Variants in CDKAL1 observed in about 807,000 individuals in gnomAD.
CDKAL1 encodes the protein threonylcarbamoyladenosine tRNA methylthiotransferase.
Under a neutral mutation model 68.2 loss-of-function variants are expected in CDKAL1, and 32 were observed. That is an observed-to-expected ratio of 0.47 (90% CI 0.35 to 0.63). The LOEUF (loss-of-function observed/expected upper bound fraction) is 0.63. Among genes scored for constraint, CDKAL1 ranks in the 30% least tolerant of loss-of-function variants. The pLI, the probability that CDKAL1 is intolerant of heterozygous loss-of-function variation, is 0.00. For synonymous variants in CDKAL1, 234 were observed against 244.3 expected (o/e 0.96, Z 0.39); for missense variants, 606 against 696.7 (o/e 0.87, Z 1.47).
At chr6:20,950,843 G>A (rs573483396) in intron 9 of CDKAL1, among the ~76,000 whole-genome samples, 8 of 152,102 alleles carry the variant, frequency 5.3e-5, no homozygotes, top group South Asian at 2.1e-4. Flanking sequence ...GGTGGTGTGC[G>A]CCTGTAATCC....
chr6:20,619,138 A>G (rs2127730975), intron 4 of CDKAL1, among the ~76,000 whole-genome samples: 1 of 152,328 alleles, frequency 6.6e-6, no homozygotes, highest in African/African-American at 2.4e-5. Flanking sequence ...AGCTACCCTC[A>G]TATCACTTGT....
At chr6:20,643,229 C>T (rs1768273223) in intron 4 of CDKAL1, among the ~76,000 whole-genome samples, 1 of 152,160 alleles carries the variant, frequency 6.6e-6, no homozygotes, top group African/African-American at 2.4e-5. Flanking sequence ...CCCTTCTTTC[C>T]TTCAGTGCCC....
intron 15 of CDKAL1, among the ~76,000 whole-genome samples, chr6:21,216,918 G>A (rs1251520582): frequency 6.6e-6 from 1 of 152,158 alleles, no homozygotes; most frequent in Non-Finnish European, 1.5e-5. Flanking sequence ...GTTGGCCAGA[G>A]TGTACAGCTC....
chr6:20,801,486 A>T (rs1476158430), intron 8 of CDKAL1, among the ~76,000 whole-genome samples: 1 of 141,250 alleles, frequency 7.1e-6, no homozygotes, highest in Non-Finnish European at 1.6e-5. Context: ...CTATTCATCC[A>T]TCAGTCCAAC....
chr6:20,889,382 C>T (rs1174152524), intron 9 of CDKAL1, among the ~76,000 whole-genome samples: 1 of 152,032 alleles, frequency 6.6e-6, no homozygotes, highest in Non-Finnish European at 1.5e-5. Context: ...TTAATTAGGT[C>T]CCATTTGTCA....
At position 21,069,804 on chromosome 6, in the gene CDKAL1, T is replaced by TTTTTA. The variant is rs60342057; in HGVS notation, c.1236+4576_1236+4577insTTTTA. Among the ~76,000 whole-genome samples, 308 of 85,438 alleles carry TTTTTA rather than the reference T, an allele frequency of 3.6e-3. 19 individuals carry two copies. Among genetic ancestry groups the TTTTTA allele is most frequent in the South Asian group, 4.8e-3 (11 of 2,282 alleles). The allele number at this position is 85,438 out of a possible 152,430, so 56.1% of individuals were successfully genotyped here. The stretch of plus-strand genomic sequence containing the variant: ...TTTTTTTTTTTTTTTTTTTTTTTTT[T>TTTTTA]AAAACAGAGCCTTGCTCTGTCACCC... On this transcript the variant is annotated intron_variant, in intron 12 of 15. Coordinates refer to ENST00000274695, the MANE Select transcript of CDKAL1 (RefSeq NM_017774.3).
chr6:20,832,707 A>T (rs1180873961), intron 8 of CDKAL1, among the ~76,000 whole-genome samples: 2 of 152,158 alleles, frequency 1.3e-5, no homozygotes, highest in Non-Finnish European at 2.9e-5. Flanking sequence ...ATTTTGGCAA[A>T]CACCATTTAC....
chr6:20,975,933 C>A (rs1300254095), intron 10 of CDKAL1, among the ~76,000 whole-genome samples: 1 of 152,140 alleles, frequency 6.6e-6, no homozygotes, highest in East Asian at 1.9e-4. Context: ...GTAATATATT[C>A]TTTGGGTTTT....
intron 6 of CDKAL1, among the ~76,000 whole-genome samples, chr6:20,750,820 C>T (rs564598860): frequency 1.4e-3 from 214 of 151,646 alleles, no homozygotes; most frequent in African/African-American, 4.5e-3. Context: ...AAAAATTAGC[C>T]GGGTGTGGTG....
At chr6:21,163,038 C>T (rs1776989463) in intron 13 of CDKAL1, among the ~76,000 whole-genome samples, 1 of 152,146 alleles carries the variant, frequency 6.6e-6, no homozygotes. Flanking sequence ...CACAGCTGAA[C>T]CCTTCTATGG....
At chr6:20,823,084 T>C (rs1360319551) in intron 8 of CDKAL1, among the ~76,000 whole-genome samples, 2 of 152,180 alleles carry the variant, frequency 1.3e-5, no homozygotes, top group African/African-American at 2.4e-5. Flanking sequence ...TCTCTCTGTC[T>C]CTCTCACATA....
chr6:20,945,158 A>G (rs990418488), intron 9 of CDKAL1, among the ~76,000 whole-genome samples: 3 of 152,166 alleles, frequency 2.0e-5, no homozygotes, highest in Admixed American at 6.5e-5. Flanking sequence ...TAAAAGGCAC[A>G]TAAGGCTATT....
chr6:20,672,268 CTTTTTCTTTCTT>C (rs1562014234), intron 5 of CDKAL1, among the ~76,000 whole-genome samples: 1 of 119,312 alleles, frequency 8.4e-6, no homozygotes, highest in African/African-American at 3.1e-5. Context: ...CTTTCTTTTT[CTTTTTCTTTCTT>C]TCTCTCTCTC....
chr6:20,651,990 A>G (rs140786147), intron 5 of CDKAL1, among the ~76,000 whole-genome samples: 13 of 152,288 alleles, frequency 8.5e-5, no homozygotes, highest in East Asian at 5.8e-4. Context: ...GATGTTCATC[A>G]TGGATATTGA....
chr6:20,678,060 G>A (rs927013514), intron 5 of CDKAL1, among the ~76,000 whole-genome samples: 9 of 149,408 alleles, frequency 6.0e-5, no homozygotes, highest in Admixed American at 4.7e-4. Flanking sequence ...TTATTAGGTA[G>A]TAACACTGAA....
chr6:20,704,509 G>T (rs1771512295), intron 5 of CDKAL1, among the ~76,000 whole-genome samples: 2 of 152,170 alleles, frequency 1.3e-5, no homozygotes, highest in African/African-American at 4.8e-5. Flanking sequence ...TCATGTTCAA[G>T]AAACAGCAAG....
intron 5 of CDKAL1, among the ~76,000 whole-genome samples, chr6:20,670,990 C>T (rs1020429151): frequency 3.3e-5 from 5 of 152,022 alleles, no homozygotes; most frequent in Non-Finnish European, 7.4e-5. Context: ...AGTGAGTGAA[C>T]TTTTGCTTAT....
At chr6:20,759,618 C>T (rs968083566) in intron 7 of CDKAL1, among the ~76,000 whole-genome samples, 1 of 152,176 alleles carries the variant, frequency 6.6e-6, no homozygotes, top group African/African-American at 2.4e-5. Flanking sequence ...TTTGTAAGTA[C>T]TTTTAACAGT....
At chr6:20,915,692 C>T (rs970468123) in intron 9 of CDKAL1, among the ~76,000 whole-genome samples, 2 of 152,174 alleles carry the variant, frequency 1.3e-5, no homozygotes, top group Non-Finnish European at 1.5e-5. Context: ...AGCAGTCTTA[C>T]TCCTGGATAT....
Sources: gnomAD v4.1 joint callset for allele counts (sites outside exome capture counted in the v4.1 genomes callset) on GRCh38, gnomAD v4.1.1 for gene constraint, MANE v1.5 for transcripts, NCBI Gene and HGNC (gene_info 2026-07-23, HGNC 2026-07-21) for gene names.